The following DOCK3 variants were observed in gnomAD, a reference collection of about 807,000 sequenced individuals.
DOCK3 encodes dedicator of cytokinesis 3.
In DOCK3, 60 loss-of-function variants were observed where a neutral mutation model predicts 265.6. The observed-to-expected ratio is 0.23, with a 90% CI of 0.18 to 0.28. The LOEUF (loss-of-function observed/expected upper bound fraction) is 0.28. Among genes scored for constraint, DOCK3 ranks in the 10% least tolerant of loss-of-function variants. DOCK3 has a pLI of 1.00. For synonymous variants in DOCK3, 881 were observed against 938.0 expected (o/e 0.94, Z 1.11); for missense variants, 1,981 against 2,594.3 (o/e 0.76, Z 5.14).
intron 49 of DOCK3, among the ~76,000 whole-genome samples, chr3:51,373,485 G>T (rs150343380): frequency 7.0e-4 from 106 of 152,290 alleles, no homozygotes; most frequent in Non-Finnish European, 1.2e-3. Context: ...GAGCACATTT[G>T]GAGGGCCTTC....
At chr3:51,363,369 G>C (rs1446914334) in intron 49 of DOCK3, among the ~76,000 whole-genome samples, 1 of 152,200 alleles carries the variant, frequency 6.6e-6, no homozygotes, top group Non-Finnish European at 1.5e-5. Flanking sequence ...GCTTTGCAGG[G>C]TAGTGACAGT....
chr3:51,117,303 G>A (rs1244416406), intron 9 of DOCK3, among the ~76,000 whole-genome samples: 2 of 152,184 alleles, frequency 1.3e-5, no homozygotes, highest in Non-Finnish European at 2.9e-5. Context: ...TTGCCTCCCA[G>A]GGGTGAAGCT....
At chr3:51,366,888 T>C (rs2110431613) in intron 49 of DOCK3, among the ~76,000 whole-genome samples, 1 of 152,360 alleles carries the variant, frequency 6.6e-6, no homozygotes, top group South Asian at 2.1e-4. Flanking sequence ...TTACATTTCC[T>C]GAGGAGTGCT....
chr3:50,814,234 A>G (rs2043933835), intron 2 of DOCK3, among the ~76,000 whole-genome samples: 2 of 152,312 alleles, frequency 1.3e-5, no homozygotes, highest in Middle Eastern at 6.8e-3. Context: ...CATAACCATG[A>G]TAAAATTATT....
intron 38 of DOCK3, among the ~76,000 whole-genome samples, chr3:51,348,030 A>G (rs2085714160): frequency 6.6e-6 from 1 of 152,206 alleles, no homozygotes; most frequent in Admixed American, 6.5e-5. Flanking sequence ...CAGCTTAAGG[A>G]GATTTTGGGC....
At chr3:51,123,028 T>G (rs1291002856) in intron 9 of DOCK3, among the ~76,000 whole-genome samples, 1 of 152,212 alleles carries the variant, frequency 6.6e-6, no homozygotes, top group African/African-American at 2.4e-5. Context: ...ACAGTCCCCA[T>G]GCTGTCATAT....
chr3:51,009,127 C>G (rs1201514648), intron 5 of DOCK3, among the ~76,000 whole-genome samples: 1 of 152,112 alleles, frequency 6.6e-6, no homozygotes, highest in Admixed American at 6.5e-5. Flanking sequence ...TGATGCTGGC[C>G]TCATAAAATG....
intron 9 of DOCK3, among the ~76,000 whole-genome samples, chr3:51,095,143 C>A (rs1459278937): frequency 1.3e-5 from 2 of 151,998 alleles, no homozygotes; most frequent in African/African-American, 4.8e-5. Context: ...TTAATTGGAT[C>A]ATTTAGCCTG....
At chr3:50,892,621 C>A (rs927268548) in intron 4 of DOCK3, among the ~76,000 whole-genome samples, 3 of 152,096 alleles carry the variant, frequency 2.0e-5, no homozygotes, top group Non-Finnish European at 4.4e-5. Flanking sequence ...TTCTATCCCA[C>A]CTCACCCAGA....
chr3:51,288,902 G>GT lies in DOCK3; in HGVS notation c.2922+8698_2922+8699insT, dbSNP rs1491239297. ...TTTGTGTGGGTGTGTGTGTGTGTGTGGGTGTGTGTGTGTGTGTGTGTGTGC... is the reference window on the plus strand; with the variant it reads ...TTTGTGTGGGTGTGTGTGTGTGTGTGTGGTGTGTGTGTGTGTGTGTGTGTGC... On this transcript the variant is annotated intron_variant, in intron 27 of 52. Transcript: ENST00000266037. 9.4e-4 allele frequency among the ~76,000 whole-genome samples: 139 copies of GT among 148,286 alleles called. 1 individual carries two copies. Among genetic ancestry groups the GT allele is most frequent in the Non-Finnish European group, 1.7e-3 (116 of 67,768 alleles).
chr3:50,933,635 T>C (rs2051190037), intron 4 of DOCK3, among the ~76,000 whole-genome samples: 1 of 152,056 alleles, frequency 6.6e-6, no homozygotes, highest in Admixed American at 6.5e-5. Context: ...TTAAAGGTCA[T>C]AAATAATTTA....
intron 1 of DOCK3, among the ~76,000 whole-genome samples, chr3:50,704,615 T>C (rs909905586): frequency 1.5e-4 from 21 of 143,434 alleles, no homozygotes; most frequent in Non-Finnish European, 2.7e-4. Context: ...GTGCATTTCT[T>C]GTAGGCAGCA....
At chr3:50,743,493 A>G (rs1054558687) in intron 1 of DOCK3, among the ~76,000 whole-genome samples, 2 of 149,300 alleles carry the variant, frequency 1.3e-5, no homozygotes, top group African/African-American at 5.0e-5. Context: ...AAAAGGATGG[A>G]GGAAGATCTA....
intron 1 of DOCK3, among the ~76,000 whole-genome samples, chr3:50,752,130 T>A (rs1233542122): frequency 1.3e-5 from 2 of 152,158 alleles, no homozygotes; most frequent in Admixed American, 1.3e-4. Context: ...GGTTGTCAAA[T>A]AGAAAATATG....
At chr3:50,690,733 C>A (rs1331354037) in intron 1 of DOCK3, among the ~76,000 whole-genome samples, 1 of 150,876 alleles carries the variant, frequency 6.6e-6, no homozygotes, top group Non-Finnish European at 1.5e-5. Flanking sequence ...ACCTCTGCCT[C>A]CTGGGTTCAA....
rs1001082137 is a variant in DOCK3, at chr3:50,903,771, AT to A, written c.218+13699del. On this transcript the variant is annotated intron_variant, in intron 4 of 52. Transcript: ENST00000266037. ...GCTCTTTTTTTTTATTTAAATGTGT[AT>A]TTTTTTTTATACTTTAAGTTCTAGG... Among the ~76,000 whole-genome samples the A allele has an allele frequency of 4.7e-5, 7 of 150,120 alleles. No individual in the cohort carries two copies. In the East Asian group the frequency reaches 5.9e-4, roughly 13 times the overall value.
chr3:51,292,493 C>T (rs147997209), intron 27 of DOCK3, among the ~76,000 whole-genome samples: 9 of 152,074 alleles, frequency 5.9e-5, no homozygotes, highest in African/African-American at 1.4e-4. Flanking sequence ...GAAAACAAGC[C>T]AGGTGTGGTG....
At chr3:50,707,095 C>G (rs2036457084) in intron 1 of DOCK3, among the ~76,000 whole-genome samples, 1 of 152,282 alleles carries the variant, frequency 6.6e-6, no homozygotes, top group East Asian at 1.9e-4. Flanking sequence ...CTGGCTTTGC[C>G]TTCTGCCGTG....
At chr3:51,189,439 A>G (rs181539696) in intron 12 of DOCK3, among the ~76,000 whole-genome samples, 111 of 152,178 alleles carry the variant, frequency 7.3e-4, no homozygotes, top group Non-Finnish European at 1.0e-3. Flanking sequence ...CTGAGTCTCT[A>G]AAGTTCATTA....
Sources: allele counts gnomAD v4.1 joint callset (sites outside exome capture counted in the v4.1 genomes callset), GRCh38; gene constraint gnomAD v4.1.1; transcripts MANE v1.5; gene names NCBI Gene and HGNC (gene_info 2026-07-23, HGNC 2026-07-21).